Variants in PRKG1 observed in about 807,000 individuals in gnomAD.
PRKG1 encodes the protein protein kinase cGMP-dependent 1, also known as cGMP-dependent protein kinase 1.
PRKG1 carries 35 observed loss-of-function variants against 88.1 expected under a neutral mutation model. The ratio of observed to expected loss-of-function variants is 0.40; its 90% CI spans 0.30 to 0.53. The LOEUF (loss-of-function observed/expected upper bound fraction) is 0.53, where lower values mean the gene tolerates loss of function less well. Ranked by LOEUF, PRKG1 falls within the 20% of genes least tolerant of loss-of-function variation. The probability of loss-of-function intolerance (pLI) is 0.59; values close to 1 mark genes in which losing one functional copy is unlikely to be tolerated. For missense variants in PRKG1, 540 were observed against 839.8 expected (o/e 0.64, Z 4.41); for synonymous variants, 303 against 292.5 (o/e 1.04, Z -0.37).
At chr10:51,668,937 C>T (rs752405077) in intron 3 of PRKG1, among the ~76,000 whole-genome samples, 9 of 152,102 alleles carry the variant, frequency 5.9e-5, no homozygotes, top group Non-Finnish European at 1.3e-4. Flanking sequence ...TACATCATTT[C>T]ATTTATCCTC....
At chr10:51,749,315 T>G (rs181211845) in intron 3 of PRKG1, among the ~76,000 whole-genome samples, 93 of 152,352 alleles carry the variant, frequency 6.1e-4, no homozygotes, top group African/African-American at 2.1e-3. Context: ...AAATTTATTT[T>G]CTTACAGTTC....
intron 9 of PRKG1, among the ~76,000 whole-genome samples, chr10:52,228,230 A>C (rs748616724): frequency 2.0e-5 from 3 of 151,884 alleles, no homozygotes; most frequent in Non-Finnish European, 2.9e-5. Context: ...ACTTTCATTC[A>C]CTTTGTTTAA....
rs146476603 is a variant in PRKG1 at position 51,774,161 on chromosome 10, A to G, written c.593-30424A>G. 2.0e-5 allele frequency among the ~76,000 whole-genome samples: 3 copies of G among 152,126 alleles called. No homozygotes were observed. The East Asian group carries it at 5.8e-4, about 29-fold the overall frequency. On this transcript the variant is annotated intron_variant, in intron 3 of 17. Coordinates refer to ENST00000373980, the MANE Select transcript of PRKG1 (RefSeq NM_006258.4). ...TTAAGCACCCATTTACTACCTAGAG[A>G]GCTTAATTTACTTACCCAAGCTACC... is the stretch of plus-strand genomic sequence containing the variant.
chr10:51,305,885 A>G (rs549926015), intron 2 of PRKG1, among the ~76,000 whole-genome samples: 4 of 152,324 alleles, frequency 2.6e-5, no homozygotes, highest in African/African-American at 9.6e-5. Context: ...CAGAATAACT[A>G]TCACACACCA....
chr10:51,163,826 C>A (rs569023441), intron 2 of PRKG1, among the ~76,000 whole-genome samples: 1 of 152,152 alleles, frequency 6.6e-6, no homozygotes, highest in Non-Finnish European at 1.5e-5. Context: ...ACTGCAAGGC[C>A]GCAGCGAGGC....
At position 52,047,449 on chromosome 10, in the gene PRKG1, G is replaced by T. The variant is rs75987590; in HGVS notation, c.763-7035G>T. Among the ~76,000 whole-genome samples the T allele has an allele frequency of 1.9e-3, 290 of 152,262 alleles. 1 individual carries two copies. The highest frequency in any genetic ancestry group is 6.5e-3 in the African/African-American group (272 of 41,560). Reference sequence around the variant, plus strand: ...TGAGAAGAACTTCTGGTTTACAGATGTGATAGCTAACTGGCTCCAGAATAG... The same window carrying T: ...TGAGAAGAACTTCTGGTTTACAGATTTGATAGCTAACTGGCTCCAGAATAG... On this transcript the variant is annotated intron_variant, in intron 5 of 17. Transcript: ENST00000373980.
chr10:52,110,481 A>G (rs721854), intron 7 of PRKG1, among the ~76,000 whole-genome samples: 75,387 of 151,714 alleles, frequency 0.5, 18,915 homozygotes, highest in Admixed American at 0.53. Flanking sequence ...GGCAGGAGGA[A>G]GAAAGATCAG....
At chr10:51,750,669 AAC>A (rs1484509386) in intron 3 of PRKG1, among the ~76,000 whole-genome samples, 5 of 152,222 alleles carry the variant, frequency 3.3e-5, no homozygotes, top group African/African-American at 7.2e-5. Flanking sequence ...GAAGAAAGCT[AAC>A]ACAGACTATG....
chr10:51,979,872 T>C (rs1011992839), intron 5 of PRKG1, among the ~76,000 whole-genome samples: 1 of 152,088 alleles, frequency 6.6e-6, no homozygotes, highest in Non-Finnish European at 1.5e-5. Flanking sequence ...TATTTGGATC[T>C]TCTCTCTTTT....
intron 7 of PRKG1, chr10:52,128,211 C>T (rs1837155188): frequency 4.1e-6 from 4 of 985,218 alleles, no homozygotes; most frequent in South Asian, 4.7e-5. Context: ...GGAGTAGTGT[C>T]GAGTTTCCAT....
At position 51,156,323 on chromosome 10, in the gene PRKG1, A is replaced by ACC. The variant is rs1554841323; in HGVS notation, c.478+2995_478+2996dup. Among the ~76,000 whole-genome samples, 3 of 151,124 alleles carry ACC rather than the reference A, an allele frequency of 2.0e-5. 1 individual carries two copies. Among genetic ancestry groups the ACC allele is most frequent in the African/African-American group, 4.9e-5 (2 of 41,142 alleles). The stretch of plus-strand genomic sequence containing the variant: ...CACACACACACACACAAACACACAC[A>ACC]CCCGAATGTAACAAAATAAGAAAGA... On this transcript the variant is annotated intron_variant, in intron 2 of 17. Coordinates refer to ENST00000373980, the MANE Select transcript of PRKG1 (RefSeq NM_006258.4).
intron 3 of PRKG1, among the ~76,000 whole-genome samples, chr10:51,765,149 C>T (rs1838125395): frequency 6.6e-6 from 1 of 152,116 alleles, no homozygotes; most frequent in South Asian, 2.1e-4. Context: ...TTTTAGGTAT[C>T]CTTGCTTTTT....
chr10:51,005,647 C>T (rs929333096), intron 1 of PRKG1, among the ~76,000 whole-genome samples: 11 of 152,180 alleles, frequency 7.2e-5, no homozygotes, highest in Non-Finnish European at 4.4e-5. Flanking sequence ...GAATGAATTT[C>T]TTAGCAGAGC....
intron 9 of PRKG1, among the ~76,000 whole-genome samples, chr10:52,184,023 C>G (rs1158012312): frequency 1.3e-5 from 2 of 152,154 alleles, no homozygotes; most frequent in African/African-American, 4.8e-5. Context: ...CCCTGCTGCC[C>G]TCCTGGGCTT....
intron 7 of PRKG1, among the ~76,000 whole-genome samples, chr10:52,085,261 C>T (rs966366624): frequency 1.3e-5 from 2 of 148,810 alleles, no homozygotes; most frequent in Admixed American, 6.7e-5. Context: ...CTCCCTCCCT[C>T]CCTCCCTCCC....
chr10:52,203,249 T>C (rs555191525), intron 9 of PRKG1, among the ~76,000 whole-genome samples: 42 of 152,340 alleles, frequency 2.8e-4, no homozygotes, highest in African/African-American at 9.9e-4. Context: ...ATTCCTTGAT[T>C]TCTGCCTTAA....
chr10:51,866,052 T>A (rs1289616880), intron 4 of PRKG1, among the ~76,000 whole-genome samples: 1 of 152,010 alleles, frequency 6.6e-6, no homozygotes, highest in Non-Finnish European at 1.5e-5. Context: ...TGAGTTTATG[T>A]TCTGTTAATC....
chr10:52,028,965 C>A (rs1845410206), intron 5 of PRKG1, among the ~76,000 whole-genome samples: 1 of 152,166 alleles, frequency 6.6e-6, no homozygotes, highest in South Asian at 2.1e-4. Flanking sequence ...AAGACCCTTG[C>A]TATTTGCAAG....
At chr10:51,858,342 T>TA (rs372390161) in intron 4 of PRKG1, among the ~76,000 whole-genome samples, 2 of 17,734 alleles carry the variant, frequency 1.1e-4, no homozygotes, top group African/African-American at 3.1e-4. Flanking sequence ...AATATATATA[T>TA]TATATAAAAT....
Sources: gnomAD v4.1 joint callset for allele counts (sites outside exome capture counted in the v4.1 genomes callset) on GRCh38, gnomAD v4.1.1 for gene constraint, MANE v1.5 for transcripts, NCBI Gene and HGNC (gene_info 2026-07-23, HGNC 2026-07-21) for gene names.